The following SCOC variants were observed in gnomAD, a reference collection of about 807,000 sequenced individuals.
SCOC encodes short coiled-coil protein.
SCOC carries 7 observed loss-of-function variants against 9.9 expected under a neutral mutation model. The ratio of observed to expected loss-of-function variants is 0.71; its 90% CI spans 0.40 to 1.33. The LOEUF (loss-of-function observed/expected upper bound fraction) is 1.33. Among genes scored for constraint, SCOC ranks in the 40% most tolerant of loss-of-function variants. The pLI is 0.01. For synonymous variants in SCOC, 19 were observed against 28.2 expected, an observed-to-expected ratio of 0.67 and a Z score of 1.03; for missense variants, 66 against 89.7, an observed-to-expected ratio of 0.74 and a Z score of 1.07.
chr4:140,315,390 C>T lies in SCOC; in HGVS notation c.-18-28231C>T, dbSNP rs531499837. Among the ~76,000 whole-genome samples, 12 of 152,252 alleles carry T rather than the reference C, an allele frequency of 7.9e-5. No homozygotes were observed. In the South Asian group the frequency reaches 2.5e-3, roughly 32 times the overall value. ...ACAACCCTTTCAGATGGGTATAATC[C>T]TATTCCCTGTTTATATTTTAGTAAG... On this transcript the variant is annotated intron_variant, in intron 1 of 4. Coordinates refer to the SCOC transcript ENST00000394205.
intron 2 of SCOC, chr4:140,343,714 GA>G: frequency 1.2e-6 from 2 of 1,600,048 alleles, no homozygotes; most frequent in Non-Finnish European, 1.7e-6. Flanking sequence ...CATAGGTAAG[GA>G]AAAAATGGAT....
intron 1 of SCOC, among the ~76,000 whole-genome samples, chr4:140,270,751 T>C (rs1253093174): frequency 2.0e-5 from 3 of 152,138 alleles, no homozygotes; most frequent in African/African-American, 7.2e-5. Flanking sequence ...CACAGATCAG[T>C]TGGTTACTAT....
At chr4:140,265,077 T>C (rs1336594497) in intron 1 of SCOC, among the ~76,000 whole-genome samples, 1 of 152,236 alleles carries the variant, frequency 6.6e-6, no homozygotes, top group Non-Finnish European at 1.5e-5. Flanking sequence ...GTCTCTTTTA[T>C]ATCAGTTAGG....
chr4:140,345,531 G>A (rs1365825275), intron 2 of SCOC, among the ~76,000 whole-genome samples: 5 of 152,038 alleles, frequency 3.3e-5, no homozygotes, highest in Non-Finnish European at 4.4e-5. Context: ...TTAATAAAAC[G>A]TTCTTGGGCT....
At chr4:140,362,307 T>TCTTCTTCTTCTTCTTCTCC (rs1367879973) in intron 2 of SCOC, among the ~76,000 whole-genome samples, 1 of 67,656 alleles carries the variant, frequency 1.5e-5, no homozygotes, top group Non-Finnish European at 3.5e-5. Flanking sequence ...TTCTTTTTTT[T>TCTTCTTCTTCTTCTTCTCC]TTTTTTTTGT....
intron 2 of SCOC, among the ~76,000 whole-genome samples, chr4:140,344,991 A>T (rs1351275369): frequency 6.6e-6 from 1 of 151,998 alleles, no homozygotes; most frequent in Admixed American, 6.6e-5. Flanking sequence ...GCACCTCATC[A>T]CACCCCTTCA....
chr4:140,370,239 A>G (rs1226666116), upstream of SCOC, among the ~76,000 whole-genome samples: 2 of 152,074 alleles, frequency 1.3e-5, no homozygotes, highest in African/African-American at 4.8e-5. Flanking sequence ...TACTGTTTCA[A>G]TTATTTTAAA....
chr4:140,373,036 A>G (rs1728121599), upstream of SCOC, among the ~76,000 whole-genome samples: 1 of 152,250 alleles, frequency 6.6e-6, no homozygotes, highest in African/African-American at 2.4e-5. Flanking sequence ...ATTCTAAAAT[A>G]TTAAATGGCC....
Position 140,381,157 on chromosome 4 carries a change from A to C in SCOC, c.*53A>C. The C allele has an allele frequency of 2.6e-6, 4 of 1,524,640 alleles. No individual in the cohort carries two copies. The highest frequency in any genetic ancestry group is 3.5e-6 in the Non-Finnish European group (4 of 1,140,424). 94.4% of individuals were successfully genotyped at this position (1,524,640 alleles called of 1,614,324 possible). A position where few individuals can be genotyped will look rare whatever the true frequency, so the allele number is the denominator to read the frequency against. Reference sequence around the variant, plus strand: ...ATTGCTGCTGATCATTTTTTCTTTAAAACTTGGATAGATTCCAAAAGTTAC... The same window carrying C: ...ATTGCTGCTGATCATTTTTTCTTTACAACTTGGATAGATTCCAAAAGTTAC... On this transcript the variant is annotated 3_prime_UTR_variant, in exon 4 of 4. Transcript: ENST00000608372.
chr4:140,289,203 A>G (rs1731396436), intron 1 of SCOC, among the ~76,000 whole-genome samples: 1 of 152,216 alleles, frequency 6.6e-6, no homozygotes, highest in African/African-American at 2.4e-5. Context: ...CAGTAGTCAT[A>G]GAGAGTGATA....
Position 140,381,113 on chromosome 4 carries a change from C to G in SCOC, c.*9C>G. 1 of 1,583,288 alleles carries G rather than the reference C, an allele frequency of 6.3e-7. No individual in the cohort carries two copies. Among genetic ancestry groups the G allele is most frequent in the Non-Finnish European group, 8.5e-7 (1 of 1,171,534 alleles). On this transcript the variant is annotated 3_prime_UTR_variant, in exon 4 of 4. Coordinates refer to ENST00000608372, the MANE Select transcript of SCOC (RefSeq NM_001153484.2). ...AAAGCAAAAGAAAGTAAGGGATTGACACCCTTCTGTTTTATGGAATTGCTG... is the reference window on the plus strand; with the variant it reads ...AAAGCAAAAGAAAGTAAGGGATTGAGACCCTTCTGTTTTATGGAATTGCTG...
intron 1 of SCOC, among the ~76,000 whole-genome samples, chr4:140,297,968 G>A (rs1389786671): frequency 6.6e-6 from 1 of 152,082 alleles, no homozygotes; most frequent in African/African-American, 2.4e-5. Flanking sequence ...TTCTTTTTAA[G>A]CCTCCATTCC....
At chr4:140,262,550 G>C (rs6820409) in intron 1 of SCOC, among the ~76,000 whole-genome samples, 15,491 of 152,198 alleles carry the variant, frequency 0.1, 1,382 homozygotes, top group African/African-American at 0.24. Context: ...TTCTGCTATA[G>C]AGTGTTGGGC....
At chr4:140,378,537 T>A (rs1728439008) in intron 1 of SCOC, among the ~76,000 whole-genome samples, 1 of 152,096 alleles carries the variant, frequency 6.6e-6, no homozygotes, top group South Asian at 2.1e-4. Flanking sequence ...TAATACAGAC[T>A]GGGCAACTTG....
intron 1 of SCOC, among the ~76,000 whole-genome samples, chr4:140,320,779 T>G (rs1732478292): frequency 6.6e-6 from 1 of 152,114 alleles, no homozygotes; most frequent in Non-Finnish European, 1.5e-5. Context: ...ACTGTACCAC[T>G]GGAAACTGAC....
chr4:140,303,853 G>A (rs1427988993), intron 1 of SCOC, among the ~76,000 whole-genome samples: 3 of 152,182 alleles, frequency 2.0e-5, no homozygotes, highest in Non-Finnish European at 4.4e-5. Context: ...ACACTTTAGG[G>A]ATATAGATGA....
intron 2 of SCOC, among the ~76,000 whole-genome samples, chr4:140,345,466 T>C (rs1726696097): frequency 6.6e-6 from 1 of 152,214 alleles, no homozygotes; most frequent in South Asian, 2.1e-4. Context: ...CCATGTTTCT[T>C]TGGCTTTTGG....
chr4:140,305,184 A>G (rs2126458539), intron 1 of SCOC, among the ~76,000 whole-genome samples: 1 of 152,250 alleles, frequency 6.6e-6, no homozygotes, highest in Middle Eastern at 3.4e-3. Context: ...GTGCCTGGAG[A>G]CTGCATTCTA....
chr4:140,369,940 G>A (rs1314385592), upstream of SCOC, among the ~76,000 whole-genome samples: 3 of 120,878 alleles, frequency 2.5e-5, no homozygotes, highest in Non-Finnish European at 3.2e-5. Flanking sequence ...GTGCAATGGC[G>A]CCATCTCAGC....
Sources: allele counts gnomAD v4.1 joint callset (sites outside exome capture counted in the v4.1 genomes callset), GRCh38; gene constraint gnomAD v4.1.1; transcripts MANE v1.5; gene names NCBI Gene and HGNC (gene_info 2026-07-23, HGNC 2026-07-21).